The following HIVEP2 variants were observed in gnomAD, a reference collection of about 807,000 sequenced individuals.
HIVEP2 encodes transcription factor HIVEP2.
In HIVEP2, 14 loss-of-function variants were observed where a neutral mutation model predicts 180.7. That is an observed-to-expected ratio of 0.08 (90% confidence interval 0.05 to 0.12). The LOEUF (loss-of-function observed/expected upper bound fraction) is 0.12, where lower values mean the gene tolerates loss of function less well. Among genes scored for constraint, HIVEP2 ranks in the 10% least tolerant of loss-of-function variants. The pLI is 1.00. For missense variants in HIVEP2, 2,579 were observed against 3,008.5 expected (o/e 0.86, Z 3.34); for synonymous variants, 1,184 against 1,136.4 (o/e 1.04, Z -0.84).
At chr6:142,932,351 A>G (rs1242653993) in intron 1 of HIVEP2, among the ~76,000 whole-genome samples, 1 of 152,216 alleles carries the variant, frequency 6.6e-6, no homozygotes, top group East Asian at 1.9e-4. Context: ...TAGTTATACT[A>G]CATAAAAAGT....
At position 142,882,660 on chromosome 6, in the gene HIVEP2, G is replaced by T. The variant is rs527704661; in HGVS notation, c.-640-45613C>A. ...GGGGAGGGGAGGGAAAAGAAAGAAA[G>T]AATCATATATTCCCTCTCAGAATGA... On this transcript the variant is annotated intron_variant, in intron 1 of 9. Coordinates refer to ENST00000367603, the MANE Select transcript of HIVEP2 (RefSeq NM_006734.4). Among the ~76,000 whole-genome samples, 3 of 151,806 alleles carry T rather than the reference G, an allele frequency of 2.0e-5. No homozygotes were observed. The South Asian group carries it at 6.2e-4, about 32-fold the overall frequency.
Position 142,773,395 on chromosome 6 carries a change from G to A in HIVEP2, c.1344C>T (p.Ala448=), listed in dbSNP as rs375056450. The A allele has an allele frequency of 2.4e-5, 38 of 1,614,006 alleles. No homozygotes were observed. The African/African-American group carries it at 3.5e-4, about 15-fold the overall frequency. The change falls in exon 5 of 10, where the codon GCC becomes GCT. Residue 448 remains alanine (A), a synonymous_variant. Transcript: ENST00000367603. ...LSVTTTSQER[A]AMGRKGIMEP... ...CCATTATGCCCTTCCTACCCATTGC[G>A]GCACGCTCCTGACTTGTGGTTGTAA...
At chr6:142,899,230 C>CCAG (rs1777071863) in intron 1 of HIVEP2, among the ~76,000 whole-genome samples, 2 of 152,070 alleles carry the variant, frequency 1.3e-5, no homozygotes, top group Non-Finnish European at 2.9e-5. Context: ...TCCTTTTTTG[C>CCAG]TAAGGCTTTA....
At chr6:142,811,134 G>C (rs1356833065) in intron 2 of HIVEP2, among the ~76,000 whole-genome samples, 1 of 152,068 alleles carries the variant, frequency 6.6e-6, no homozygotes, top group East Asian at 1.9e-4. Context: ...TCAAAGAACA[G>C]TACATCAGGA....
intron 1 of HIVEP2, among the ~76,000 whole-genome samples, chr6:142,925,954 T>C (rs1256389463): frequency 6.6e-6 from 1 of 152,202 alleles, no homozygotes; most frequent in Non-Finnish European, 1.5e-5. Context: ...ACAAAGCCTA[T>C]TCATGAGTCA....
intron 3 of HIVEP2, among the ~76,000 whole-genome samples, chr6:142,782,414 G>C (rs1218327560): frequency 1.3e-5 from 2 of 152,150 alleles, no homozygotes; most frequent in Non-Finnish European, 2.9e-5. Context: ...TATGCTCAGA[G>C]AGTATGGGAT....
intron 1 of HIVEP2, among the ~76,000 whole-genome samples, chr6:142,940,212 A>G (rs957953882): frequency 3.9e-5 from 6 of 152,256 alleles, no homozygotes; most frequent in Non-Finnish European, 8.8e-5. Context: ...TATTAATTGA[A>G]TCAATGATGC....
intron 8 of HIVEP2, 97 bp downstream of exon 8, chr6:142,761,367 A>C (rs966106588): frequency 7.7e-6 from 5 of 648,816 alleles, no homozygotes; most frequent in Non-Finnish European, 1.4e-5. Flanking sequence ...AAAAGTGATC[A>C]CTTTTTAAAA....
rs1775667501 is a variant in HIVEP2 at position 142,775,204 on chromosome 6, C to T, written c.-387-79G>A. 1.5e-5 allele frequency: 5 copies of T among 326,396 alleles called. No homozygotes were observed. The South Asian group carries it at 5.0e-4, about 32-fold the overall frequency. The allele number at this position is 326,396 out of a possible 1,614,324, so 20.2% of individuals were successfully genotyped here. The stretch of plus-strand genomic sequence containing the variant: ...CAAAAAAAAAAAAAACCTAACTAAC[C>T]AACCAGAAATTAGATAAATTTGAAA... On this transcript the variant is annotated intron_variant, in intron 4 of 9. Transcript: ENST00000367603.
intron 1 of HIVEP2, among the ~76,000 whole-genome samples, chr6:142,872,025 G>C (rs1327579041): frequency 6.6e-6 from 1 of 152,128 alleles, no homozygotes; most frequent in African/African-American, 2.4e-5. Flanking sequence ...GGTGTCTTCT[G>C]AATCACTGCC....
At chr6:142,877,602 T>C (rs774425752) in intron 1 of HIVEP2, among the ~76,000 whole-genome samples, 12 of 144,672 alleles carry the variant, frequency 8.3e-5, no homozygotes, top group Non-Finnish European at 1.7e-4. Flanking sequence ...TTCTACACCT[T>C]TGGTTAAATT....
In HIVEP2 at chr6:142,769,460, AT is replaced by A. The variant is rs953580643; in HGVS notation, c.5187+91del. ...CCACACTGACCTTCATTTTACTTGTATTTTTTTTTTAGGCCTTATATCCTTC... is the reference window on the plus strand; with the variant it reads ...CCACACTGACCTTCATTTTACTTGTATTTTTTTTTAGGCCTTATATCCTTC... On this transcript the variant is annotated intron_variant, in intron 5 of 9. Coordinates refer to ENST00000367603, the MANE Select transcript of HIVEP2 (RefSeq NM_006734.4). 5.3e-3 allele frequency: 5,139 copies of A among 972,570 alleles called. 2 individuals carry two copies. Among genetic ancestry groups the A allele is most frequent in the Non-Finnish European group, 6.1e-3 (4,140 of 682,744 alleles). 60.2% of individuals were successfully genotyped at this position (972,570 alleles called of 1,614,324 possible).
chr6:142,793,651 TC>T (rs768791875), intron 2 of HIVEP2, among the ~76,000 whole-genome samples: 1,371 of 71,416 alleles, frequency 0.019, 20 homozygotes, highest in African/African-American at 0.037. Context: ...TTTCTTTCTT[TC>T]TTTCTTTTTT....
At chr6:142,837,123 T>C (rs1775244801) in intron 1 of HIVEP2, 76 bp from the exon 2 acceptor site, 1 of 152,124 alleles carries the variant, frequency 6.6e-6, no homozygotes, top group Admixed American at 6.6e-5. Context: ...AACACAAAAA[T>C]CAAATCCAGA....
intron 2 of HIVEP2, among the ~76,000 whole-genome samples, chr6:142,796,046 G>C (rs7769062): frequency 0.044 from 6,033 of 138,008 alleles, 414 homozygotes; most frequent in African/African-American, 0.15. Context: ...AAAGTGACCT[G>C]TCAATTTTAA....
chr6:142,816,361 A>G (rs965605465), intron 2 of HIVEP2, among the ~76,000 whole-genome samples: 9 of 152,114 alleles, frequency 5.9e-5, no homozygotes, highest in African/African-American at 9.7e-5. Context: ...TTTCCAGAAT[A>G]TATTTTTTCC....
chr6:142,772,755 A>G lies in HIVEP2; in HGVS notation c.1984T>C (p.Ser662Pro). Reference sequence around the variant, plus strand: ...CCATGCTTTAAAGAACTCAAGCAGGAAATGTCCCTGTAGTTTTGCTTTGGT... The same window carrying G: ...CCATGCTTTAAAGAACTCAAGCAGGGAATGTCCCTGTAGTTTTGCTTTGGT... ...ETPKQNYRDI[S>P]CLSSLKHGGE... Residue 662 changes from serine to proline, a missense_variant, in exon 5 of 10, where the codon TCC becomes CCC. By Grantham distance (74) the Ser-to-Pro change is moderately conservative. Coordinates refer to ENST00000367603, the MANE Select transcript of HIVEP2 (RefSeq NM_006734.4). The surrounding 1 kb of genome is among the most constrained non-coding windows in gnomAD (Gnocchi z 4.9). 6.2e-7 allele frequency: 1 copy of G among 1,614,252 alleles called. No homozygotes were observed. Among genetic ancestry groups the G allele is most frequent in the African/African-American group, 1.3e-5 (1 of 75,062 alleles).
intron 1 of HIVEP2, among the ~76,000 whole-genome samples, chr6:142,839,503 T>C (rs996484178): frequency 6.6e-6 from 1 of 152,120 alleles, no homozygotes; most frequent in Non-Finnish European, 1.5e-5. Flanking sequence ...CAATTTATCA[T>C]TAGCTAATAT....
intron 2 of HIVEP2, among the ~76,000 whole-genome samples, chr6:142,804,887 T>C (rs1776508791): frequency 6.6e-6 from 1 of 152,150 alleles, no homozygotes; most frequent in Admixed American, 6.5e-5. Context: ...TGCTAGATAA[T>C]TATTGTGAAT....
Sources: gnomAD v4.1 joint callset for allele counts (sites outside exome capture counted in the v4.1 genomes callset) on GRCh38, gnomAD v4.1.1 for gene constraint, Gnocchi (gnomAD v3.1) non-coding constraint, MANE v1.5 for transcripts, NCBI Gene and HGNC (gene_info 2026-07-23, HGNC 2026-07-21) for gene names.